The following STX11 variants were observed in gnomAD, a reference collection of about 807,000 sequenced individuals.
The protein encoded by STX11 is syntaxin 11.
Under a neutral mutation model 19.9 loss-of-function variants are expected in STX11, and 21 were observed. The ratio of observed to expected loss-of-function variants is 1.06; its 90% CI spans 0.75 to 1.52. The LOEUF (loss-of-function observed/expected upper bound fraction) is 1.52. STX11 is among the 40% of genes most tolerant of loss of function. STX11 has a pLI of 0.00. For missense variants in STX11, 438 were observed against 405.9 expected, an observed-to-expected ratio of 1.08 and a Z score of -0.68; for synonymous variants, 193 against 174.4, an observed-to-expected ratio of 1.11 and a Z score of -0.84.
At position 144,159,428 on chromosome 6, in the gene STX11, A is replaced by C. The variant is rs1801273901; in HGVS notation, c.-6+8725A>C. Among the ~76,000 whole-genome samples, 1 of 152,232 alleles carries C rather than the reference A, an allele frequency of 6.6e-6. No homozygotes were observed. The highest frequency in any genetic ancestry group is 1.5e-5 in the Non-Finnish European group (1 of 68,034). ...TTTTCCTGAAATATAAGTTATATCAAAATAGAAGTTACGGATTTGGCTTTG... is the reference window on the plus strand; with the variant it reads ...TTTTCCTGAAATATAAGTTATATCACAATAGAAGTTACGGATTTGGCTTTG... On this transcript the variant is annotated intron_variant, in intron 1 of 1. Coordinates refer to ENST00000367568, the MANE Select transcript of STX11 (RefSeq NM_003764.4). This position sits in a 1 kb window ranked among gnomAD's most constrained non-coding sequence, Gnocchi z 4.3.
chr6:144,179,642 TGA>T (rs1801858365), intron 1 of STX11, among the ~76,000 whole-genome samples: 1 of 152,202 alleles, frequency 6.6e-6, no homozygotes, highest in Non-Finnish European at 1.5e-5. Context: ...TCACCACAGA[TGA>T]GAGAGACTGG....
chr6:144,175,871 A>C lies in STX11; in HGVS notation c.-5-10752A>C, dbSNP rs958558456. Among the ~76,000 whole-genome samples the C allele has an allele frequency of 2.0e-5, 3 of 152,220 alleles. No individual in the cohort carries two copies. The highest frequency in any genetic ancestry group is 6.5e-5 in the Admixed American group (1 of 15,280). On this transcript the variant is annotated intron_variant, in intron 1 of 1. Transcript: ENST00000367568. The surrounding 1 kb of genome is among the most constrained non-coding windows in gnomAD (Gnocchi z 5.1). ...CAAAGGGTCTCGTTAGTGACCGATA[A>C]AGACAAGGTTGGAAGATGTGGCTTA...
Position 144,160,042 on chromosome 6 carries a change from G to A in STX11, c.-6+9339G>A, listed in dbSNP as rs373619561. 6.6e-4 allele frequency among the ~76,000 whole-genome samples: 100 copies of A among 152,066 alleles called. 1 individual carries two copies. Among genetic ancestry groups the A allele is most frequent in the South Asian group, 6.2e-4 (3 of 4,804 alleles). On this transcript the variant is annotated intron_variant, in intron 1 of 1. Transcript: ENST00000367568. This position sits in a 1 kb window ranked among gnomAD's most constrained non-coding sequence, Gnocchi z 4.3. ...ATTATGATTTTTGAGAGACTCTGTC[G>A]CCCAGGCTGGAATGAAATGGCACAA...
At position 144,150,565 on chromosome 6, in the gene STX11, G is replaced by A. The variant is rs1800974190; in HGVS notation, c.-144G>A. On this transcript the variant is annotated 5_prime_UTR_variant, in exon 1 of 2. Transcript: ENST00000367568. ...GCTCGGGCGGCCGTGGAGGAACTCA[G>A]CCTCGGCCGCAGGAGGCGCCGGGAG... 1 of 985,330 alleles carries A rather than the reference G, an allele frequency of 1.0e-6. No individual in the cohort carries two copies. 61.0% of individuals were successfully genotyped at this position (985,330 alleles called of 1,614,324 possible).
the STX11 span, among the ~76,000 whole-genome samples, chr6:144,144,570 AT>A: frequency 1.3e-5 from 2 of 152,248 alleles, no homozygotes; most frequent in African/African-American, 4.8e-5. Flanking sequence ...AATAATGGAA[AT>A]ATTATATTCT....
rs1400753251 is a variant in STX11, at chr6:144,165,554, T to C, written c.-6+14851T>C. ...ATAGTGAGTACAAAGCACCTAACTC[T>C]TGTCTTCCTGAAGTTTGAGCTGAAT... On this transcript the variant is annotated intron_variant, in intron 1 of 1. Transcript: ENST00000367568. This position sits in a 1 kb window ranked among gnomAD's most constrained non-coding sequence, Gnocchi z 5.8. 2.0e-5 allele frequency among the ~76,000 whole-genome samples: 3 copies of C among 152,340 alleles called. No individual in the cohort carries two copies. The East Asian group carries it at 5.8e-4, about 29-fold the overall frequency.
rs1487085540 is a variant in STX11, at chr6:144,167,613, A to G, written c.-6+16910A>G. On this transcript the variant is annotated intron_variant, in intron 1 of 1. Transcript: ENST00000367568. This position sits in a 1 kb window ranked among gnomAD's most constrained non-coding sequence, Gnocchi z 5.0. ...TAAGCAATCACTTCTCCTTTTTTTC[A>G]TTTCTTTTTTATTTTCTTTTTTTGA... Among the ~76,000 whole-genome samples the G allele has an allele frequency of 6.6e-6, 1 of 151,772 alleles. No individual in the cohort carries two copies. The highest frequency in any genetic ancestry group is 2.4e-5 in the African/African-American group (1 of 41,294).
rs747288617 is a variant in STX11, at chr6:144,155,940, A to ATCTTTCTTTCTTTCTT, written c.-6+5297_-6+5312dup. Among the ~76,000 whole-genome samples the ATCTTTCTTTCTTTCTT allele has an allele frequency of 2.5e-5, 3 of 119,942 alleles. No individual in the cohort carries two copies. Among genetic ancestry groups the ATCTTTCTTTCTTTCTT allele is most frequent in the East Asian group, 2.5e-4 (1 of 3,930 alleles). 78.7% of individuals were successfully genotyped at this position (119,942 alleles called of 152,430 possible). ...CTAATTAAATGTGTTTTAAAATTTA[A>ATCTTTCTTTCTTTCTT]TCTTTCTTTCTTTCTTTCTTTCTTT... is the stretch of plus-strand genomic sequence containing the variant. On this transcript the variant is annotated intron_variant, in intron 1 of 1. Transcript: ENST00000367568. The surrounding 1 kb of genome is among the most constrained non-coding windows in gnomAD (Gnocchi z 4.5).
chr6:144,164,694 T>C (rs973257414), intron 1 of STX11, among the ~76,000 whole-genome samples: 1 of 152,298 alleles, frequency 6.6e-6, no homozygotes, highest in Non-Finnish European at 1.5e-5. Flanking sequence ...TTTATTTTAT[T>C]TTATTTTTCA....
In STX11 at chr6:144,189,383, A is replaced by G. The variant is rs1447289647; in HGVS notation, c.*1892A>G. The stretch of plus-strand genomic sequence containing the variant: ...CTGGATGGAACTGAGTGGAGGGGGA[A>G]AAGAATGAAAAACTCAAAAGAATTC... On this transcript the variant is annotated 3_prime_UTR_variant, in exon 2 of 2. Transcript: ENST00000367568. Among the ~76,000 whole-genome samples the G allele has an allele frequency of 2.0e-5, 3 of 152,188 alleles. No individual in the cohort carries two copies. Among genetic ancestry groups the G allele is most frequent in the Non-Finnish European group, 4.4e-5 (3 of 68,038 alleles).
At chr6:144,150,295 G>T (rs532791419), upstream of STX11, among the ~76,000 whole-genome samples, 52 of 152,354 alleles carry the variant, frequency 3.4e-4, no homozygotes, top group African/African-American at 1.2e-3. Context: ...CCCACTCCCC[G>T]CGCCGGTCCG....
Position 144,159,202 on chromosome 6 carries a change from C to T in STX11, c.-6+8499C>T, listed in dbSNP as rs369800317. Among the ~76,000 whole-genome samples, 4 of 152,226 alleles carry T rather than the reference C, an allele frequency of 2.6e-5. 1 individual carries two copies. The highest frequency in any genetic ancestry group is 2.1e-4 in the South Asian group (1 of 4,828). The stretch of plus-strand genomic sequence containing the variant: ...TATTTATCGAGGCTTTCCTATATGC[C>T]GGGTGCTCTGGAGTAAATGGTGCAG... On this transcript the variant is annotated intron_variant, in intron 1 of 1. Transcript: ENST00000367568. The surrounding 1 kb of genome is among the most constrained non-coding windows in gnomAD (Gnocchi z 4.3).
upstream of STX11, among the ~76,000 whole-genome samples, chr6:144,149,610 G>A (rs903679197): frequency 6.6e-6 from 1 of 152,106 alleles, no homozygotes; most frequent in Non-Finnish European, 1.5e-5. The surrounding 1 kb of genome is among the most constrained non-coding windows in gnomAD (Gnocchi z 5.1). Flanking sequence ...CCGAGCAGCT[G>A]GGATCACAGC....
chr6:144,168,613 C>T (rs1454830269), intron 1 of STX11, among the ~76,000 whole-genome samples: 8 of 152,126 alleles, frequency 5.3e-5, no homozygotes, highest in Non-Finnish European at 1.2e-4. Context: ...ATCTGATATA[C>T]GGAATCCTTC....
intron 1 of STX11, among the ~76,000 whole-genome samples, chr6:144,157,138 T>TA (rs762812797): frequency 2.0e-5 from 3 of 152,180 alleles, no homozygotes; most frequent in South Asian, 2.1e-4. Context: ...AGGAGGTTTT[T>TA]ATTGGGAAGT....
rs1485958083 is a variant in STX11, at chr6:144,183,209, TACTC to T, written c.-5-3412_-5-3409del. On this transcript the variant is annotated intron_variant, in intron 1 of 1. Coordinates refer to ENST00000367568, the MANE Select transcript of STX11 (RefSeq NM_003764.4). This position sits in a 1 kb window ranked among gnomAD's most constrained non-coding sequence, Gnocchi z 4.6. ...CTATAATTAACACTTTGATGTGTAT[TACTC>T]AAGTTTCTGTTTCAGAATGCTGCAC... Among the ~76,000 whole-genome samples the T allele has an allele frequency of 6.6e-6, 1 of 152,238 alleles. No individual in the cohort carries two copies. Among genetic ancestry groups the T allele is most frequent in the Non-Finnish European group, 1.5e-5 (1 of 68,046 alleles).
Position 144,187,082 on chromosome 6 carries a change from AG to A in STX11, c.456del (p.Lys152AsnfsTer46). On this transcript the variant is annotated frameshift_variant, in exon 2 of 2. Coordinates refer to ENST00000367568, the MANE Select transcript of STX11 (RefSeq NM_003764.4). LOFTEE classifies it high-confidence loss of function. This position sits in a 1 kb window ranked among gnomAD's most constrained non-coding sequence, Gnocchi z 5.6. Reference sequence around the variant, plus strand: ...CACGACTACAACCAGGCCGAGATGAAGCAGCGCGACAACTGCAAGATCCGCA... The same window carrying A: ...CACGACTACAACCAGGCCGAGATGAACAGCGCGACAACTGCAAGATCCGCA... ...AMHDYNQAEM[K>X]QRDNCKIRIQ... 6.2e-7 allele frequency: 1 copy of A among 1,613,668 alleles called. No homozygotes were observed. Among genetic ancestry groups the A allele is most frequent in the Non-Finnish European group, 8.5e-7 (1 of 1,180,002 alleles).
chr6:144,162,999 C>T lies in STX11; in HGVS notation c.-6+12296C>T, dbSNP rs753340359. On this transcript the variant is annotated intron_variant, in intron 1 of 1. Transcript: ENST00000367568. The surrounding 1 kb of genome is among the most constrained non-coding windows in gnomAD (Gnocchi z 4.6). ...GCTAGGAGTCCCATACAGGCTTATT[C>T]GATTCTGCATCCTTATTTAAACACT... Among the ~76,000 whole-genome samples the T allele has an allele frequency of 1.3e-5, 2 of 152,138 alleles. No homozygotes were observed. The highest frequency in any genetic ancestry group is 2.4e-5 in the African/African-American group (1 of 41,420).
intron 1 of STX11, among the ~76,000 whole-genome samples, chr6:144,163,591 G>T (rs1419857815): frequency 1.3e-5 from 2 of 151,938 alleles, no homozygotes; most frequent in Non-Finnish European, 2.9e-5. Context: ...GATTCTCCCT[G>T]CCTCTGCCTC....
Sources: gnomAD v4.1 joint callset for allele counts (sites outside exome capture counted in the v4.1 genomes callset) on GRCh38, gnomAD v4.1.1 for gene constraint, Gnocchi (gnomAD v3.1) non-coding constraint, MANE v1.5 for transcripts, NCBI Gene and HGNC (gene_info 2026-07-23, HGNC 2026-07-21) for gene names.